Variants in IRAK2 observed in about 807,000 individuals in gnomAD.
IRAK2 encodes interleukin-1 receptor-associated kinase-like 2.
In IRAK2, 57 loss-of-function variants were observed where a neutral mutation model predicts 72.0. The observed-to-expected ratio is 0.79, with a 90% CI of 0.64 to 0.99. The LOEUF (loss-of-function observed/expected upper bound fraction) is 0.99. Among genes scored for constraint, IRAK2 ranks in the 50% least tolerant of loss-of-function variants. IRAK2 has a pLI of 0.00. For synonymous variants in IRAK2, 293 were observed against 312.7 expected, an observed-to-expected ratio of 0.94 and a Z score of 0.67; for missense variants, 790 against 794.4, an observed-to-expected ratio of 0.99 and a Z score of 0.07.
chr3:10,212,038 C>T (rs440541), intron 4 of IRAK2, among the ~76,000 whole-genome samples: 13,912 of 150,966 alleles, frequency 0.092, 814 homozygotes, highest in East Asian at 0.28. Flanking sequence ...CGAGATCACA[C>T]CACTGCACTC....
intron 1 of IRAK2, among the ~76,000 whole-genome samples, chr3:10,173,118 C>G (rs1001924676): frequency 6.6e-6 from 1 of 152,018 alleles, no homozygotes. Flanking sequence ...GCAACAATCT[C>G]GGAGGCAGGT....
At chr3:10,188,006 G>A (rs1422846140) in intron 2 of IRAK2, among the ~76,000 whole-genome samples, 2 of 152,196 alleles carry the variant, frequency 1.3e-5, no homozygotes, top group Admixed American at 1.3e-4. Context: ...AGGCTTAGGA[G>A]GGGACTGTGG....
chr3:10,213,910 CT>C (rs945956712), intron 6 of IRAK2, among the ~76,000 whole-genome samples: 229 of 146,612 alleles, frequency 1.6e-3, no homozygotes, highest in African/African-American at 2.6e-3. Context: ...ATCTTCTCTC[CT>C]TTTTTTTTTT....
chr3:10,234,377 C>A, intron 10 of IRAK2, 82 bp from the exon 11 acceptor site: 1 of 1,178,144 alleles, frequency 8.5e-7, no homozygotes, highest in Non-Finnish European at 1.3e-6. Flanking sequence ...TTTTTTGCAG[C>A]TCTGGAGGTG....
chr3:10,207,661 T>C (rs1390935498), intron 3 of IRAK2, among the ~76,000 whole-genome samples: 1 of 152,162 alleles, frequency 6.6e-6, no homozygotes, highest in African/African-American at 2.4e-5. Context: ...TTGTCAAACA[T>C]TCCGTCTTGT....
intron 3 of IRAK2, among the ~76,000 whole-genome samples, chr3:10,201,666 T>C (rs1229833475): frequency 3.3e-5 from 5 of 152,232 alleles, no homozygotes; most frequent in Admixed American, 6.5e-5. Flanking sequence ...AATGACAGAA[T>C]GGCTCAGCCA....
chr3:10,200,251 C>T (rs1697335289), intron 2 of IRAK2, 118 bp from the exon 3 acceptor site: 1 of 871,402 alleles, frequency 1.1e-6, no homozygotes, highest in South Asian at 1.8e-5. Flanking sequence ...CCCTGCAACA[C>T]CATGCATTTG....
intron 10 of IRAK2, among the ~76,000 whole-genome samples, chr3:10,231,823 G>A (rs1697865930): frequency 6.6e-6 from 1 of 151,754 alleles, no homozygotes; most frequent in African/African-American, 2.4e-5. Flanking sequence ...GCATGGTTAT[G>A]TTTCTTAAGA....
chr3:10,193,266 C>T (rs544654592), intron 2 of IRAK2, among the ~76,000 whole-genome samples: 2 of 152,256 alleles, frequency 1.3e-5, no homozygotes, highest in Admixed American at 6.5e-5. Flanking sequence ...ACTCAGCCCT[C>T]ATCACTGTGG....
chr3:10,204,832 G>T (rs192690028), intron 3 of IRAK2, among the ~76,000 whole-genome samples: 34 of 152,214 alleles, frequency 2.2e-4, no homozygotes, highest in African/African-American at 7.0e-4. Context: ...GAAATGGTTT[G>T]TTTTTTAGCT....
At chr3:10,234,701 T>A in intron 11 of IRAK2, 42 bp downstream of exon 11, 1 of 1,555,520 alleles carries the variant, frequency 6.4e-7, no homozygotes, top group African/African-American at 1.4e-5. Context: ...GGGCCACGCG[T>A]GGGTCCACCT....
rs145693892 is a variant in IRAK2, at chr3:10,195,101, A to G, written c.278-5268A>G. ...GAAGGAACAAGAAAAAGAAAGAGAA[A>G]AGCTGGACTCTCTTTAGGATGAAAA... On this transcript the variant is annotated intron_variant, in intron 2 of 12. Coordinates refer to ENST00000256458, the MANE Select transcript of IRAK2 (RefSeq NM_001570.4). Among the ~76,000 whole-genome samples, 898 of 152,316 alleles carry G rather than the reference A, an allele frequency of 5.9e-3. 10 individuals are homozygous for G. Among genetic ancestry groups the G allele is most frequent in the African/African-American group, 0.02 (852 of 41,566 alleles).
At chr3:10,190,472 A>C (rs1237369816) in intron 2 of IRAK2, among the ~76,000 whole-genome samples, 4 of 151,740 alleles carry the variant, frequency 2.6e-5, no homozygotes, top group Non-Finnish European at 5.9e-5. Context: ...TTAATTGCTG[A>C]GTGGCTAAGG....
intron 2 of IRAK2, among the ~76,000 whole-genome samples, chr3:10,193,774 T>C (rs1697220247): frequency 6.6e-6 from 1 of 152,356 alleles, no homozygotes; most frequent in Admixed American, 6.5e-5. Context: ...AACCCTGGGC[T>C]GCCCACCTCC....
In IRAK2 at chr3:10,222,727, A is replaced by G. The variant is rs1312505692; in HGVS notation, c.1105A>G (p.Met369Val). Residue 369 changes from methionine (M) to valine (V), a missense_variant, in exon 9 of 13, where the codon ATG becomes GTG. Transcript: ENST00000256458. ...CPVNKRSKYTMMKTHLLRTSA... is the reference protein window; with the variant it reads ...CPVNKRSKYTVMKTHLLRTSA... ...TGTCAACAAAAGGTCAAAATACACC[A>G]TGATGAAGACTCACCTGCTCCGGAC... 1.5e-5 allele frequency: 25 copies of G among 1,614,218 alleles called. No individual in the cohort carries two copies. Among genetic ancestry groups the G allele is most frequent in the Non-Finnish European group, 1.8e-5 (21 of 1,180,032 alleles).
intron 6 of IRAK2, among the ~76,000 whole-genome samples, chr3:10,214,747 C>A (rs1372824281): frequency 1.3e-5 from 2 of 151,854 alleles, no homozygotes; most frequent in Non-Finnish European, 2.9e-5. Flanking sequence ...GAGTTTGAGA[C>A]CAGCTTGGGC....
chr3:10,179,097 T>A (rs1696921640), intron 2 of IRAK2, among the ~76,000 whole-genome samples: 1 of 152,154 alleles, frequency 6.6e-6, no homozygotes, highest in Non-Finnish European at 1.5e-5. Flanking sequence ...AACCCCCTTT[T>A]GATACAGCTA....
rs1197588981 is a variant in IRAK2 at position 10,243,079 on chromosome 3, G to C, written c.*851G>C. 2.0e-5 allele frequency: 3 copies of C among 152,308 alleles called. No individual in the cohort carries two copies. Among genetic ancestry groups the C allele is most frequent in the Non-Finnish European group, 2.9e-5 (2 of 68,144 alleles). 9.4% of individuals were successfully genotyped at this position (152,308 alleles called of 1,614,324 possible). On this transcript the variant is annotated 3_prime_UTR_variant, in exon 13 of 13. Transcript: ENST00000256458. ...AGACAGAGTCTCACTTTGTCACCCA[G>C]GCTGGAGTGCAGTGGCACGATCTCA...
chr3:10,214,391 CTTT>C (rs534445139), intron 6 of IRAK2, among the ~76,000 whole-genome samples: 1 of 95,408 alleles, frequency 1.0e-5, no homozygotes, highest in Admixed American at 1.3e-4. Flanking sequence ...TCATTTTTTG[CTTT>C]TTTTTTTTTT....
Sources: gnomAD v4.1 joint callset for allele counts (sites outside exome capture counted in the v4.1 genomes callset) on GRCh38, gnomAD v4.1.1 for gene constraint, MANE v1.5 for transcripts, NCBI Gene and HGNC (gene_info 2026-07-23, HGNC 2026-07-21) for gene names.